The following PRKCQ variants were observed in gnomAD, a reference collection of about 807,000 sequenced individuals.
The protein encoded by PRKCQ is protein kinase C theta.
In PRKCQ, 41 loss-of-function variants were observed where a neutral mutation model predicts 91.2. The observed-to-expected ratio is 0.45, with a 90% confidence interval of 0.35 to 0.58. PRKCQ has a LOEUF of 0.58. Ranked by LOEUF, PRKCQ falls within the 20% of genes least tolerant of loss-of-function variation. The probability of loss-of-function intolerance (pLI) is 0.00; values close to 1 mark genes in which losing one functional copy is unlikely to be tolerated. For synonymous variants in PRKCQ, 307 were observed against 316.9 expected (o/e 0.97, Z 0.33); for missense variants, 673 against 896.5 (o/e 0.75, Z 3.18).
intron 14 of PRKCQ, among the ~76,000 whole-genome samples, chr10:6,461,121 ATCCATCCACATCCATCCATT>A (rs1835320322): frequency 1.3e-5 from 2 of 150,328 alleles, no homozygotes; most frequent in South Asian, 4.2e-4. Flanking sequence ...CCATCCATCC[ATCCATCCACATCCATCCATT>A]CATCCATCCA....
intron 16 of PRKCQ, among the ~76,000 whole-genome samples, chr10:6,431,377 AAC>A (rs550001672): frequency 3.7e-4 from 57 of 152,276 alleles, no homozygotes; most frequent in Admixed American, 1.4e-3. Flanking sequence ...CATGGACATA[AAC>A]ACACACTGGC....
At chr10:6,419,878 G>A in the PRKCQ span, among the ~76,000 whole-genome samples, 1 of 151,976 alleles carries the variant, frequency 6.6e-6, no homozygotes, top group African/African-American at 2.4e-5. Context: ...TAGTAGAGAC[G>A]GGGTTTCGCC....
At chr10:6,436,726 T>C (rs1833716558) in intron 16 of PRKCQ, among the ~76,000 whole-genome samples, 1 of 152,232 alleles carries the variant, frequency 6.6e-6, no homozygotes, top group African/African-American at 2.4e-5. Context: ...GGTTGTTTTA[T>C]AGATCAATAG....
At chr10:6,491,415 G>A (rs774276515) in intron 8 of PRKCQ, among the ~76,000 whole-genome samples, 2 of 152,226 alleles carry the variant, frequency 1.3e-5, no homozygotes, top group Non-Finnish European at 2.9e-5. Context: ...CAGGGCTATG[G>A]TACGGCAGAA....
downstream of PRKCQ, among the ~76,000 whole-genome samples, chr10:6,424,050 G>GTAGTT (rs1833063890): frequency 6.6e-6 from 1 of 152,030 alleles, no homozygotes; most frequent in Non-Finnish European, 1.5e-5. Flanking sequence ...GTGTAGCTGT[G>GTAGTT]GCACCAAGAG....
chr10:6,411,433 C>G, the PRKCQ span, among the ~76,000 whole-genome samples: 1 of 152,120 alleles, frequency 6.6e-6, no homozygotes. Context: ...TCCAAAAGGT[C>G]CGGTGATATT....
At chr10:6,420,710 G>A in the PRKCQ span, among the ~76,000 whole-genome samples, 15 of 152,136 alleles carry the variant, frequency 9.9e-5, no homozygotes, top group Non-Finnish European at 1.3e-4. Flanking sequence ...TGAAGACATC[G>A]TTCCAGTGTC....
intron 1 of PRKCQ, among the ~76,000 whole-genome samples, chr10:6,515,679 G>A (rs1311022403): frequency 6.6e-6 from 1 of 152,138 alleles, no homozygotes; most frequent in Non-Finnish European, 1.5e-5. Flanking sequence ...AAAAAGGTCT[G>A]CTTTCTTCAC....
chr10:6,491,243 TGATGA>T (rs1226325462), intron 8 of PRKCQ, among the ~76,000 whole-genome samples: 1 of 152,168 alleles, frequency 6.6e-6, no homozygotes, highest in Non-Finnish European at 1.5e-5. Flanking sequence ...GCTTGCTCCT[TGATGA>T]GATGACAGAA....
At chr10:6,550,632 G>A (rs988920245) in intron 1 of PRKCQ, among the ~76,000 whole-genome samples, 7 of 152,198 alleles carry the variant, frequency 4.6e-5, no homozygotes, top group African/African-American at 1.4e-4. Flanking sequence ...GGATATGTGG[G>A]TCGTCTCCAC....
intron 1 of PRKCQ, among the ~76,000 whole-genome samples, chr10:6,516,581 T>G (rs1357643334): frequency 6.6e-6 from 1 of 152,204 alleles, no homozygotes; most frequent in Non-Finnish European, 1.5e-5. Context: ...AATTGGGTCT[T>G]TTAGACAAAA....
At chr10:6,557,596 A>C (rs1840470739) in intron 1 of PRKCQ, among the ~76,000 whole-genome samples, 1 of 151,856 alleles carries the variant, frequency 6.6e-6, no homozygotes. Context: ...GGTCAATCTC[A>C]TCTATTTTGA....
rs772252959 is a variant in PRKCQ at position 6,486,147 on chromosome 10, G to A, written c.791-3C>T. 23 of 1,613,006 alleles carry A rather than the reference G, an allele frequency of 1.4e-5. No homozygotes were observed. Among genetic ancestry groups the A allele is most frequent in the Non-Finnish European group, 1.9e-5 (22 of 1,179,160 alleles). On this transcript the variant is annotated splice_polypyrimidine_tract_variant and splice_region_variant and intron_variant, in intron 8 of 17. Transcript: ENST00000263125. Reference sequence around the variant, plus strand: ...ATGATGCACATTCATGCCACATGCTGGAAGGAAGAAGGCAGATAGTGAGCA... The same window carrying A: ...ATGATGCACATTCATGCCACATGCTAGAAGGAAGAAGGCAGATAGTGAGCA...
intron 12 of PRKCQ, among the ~76,000 whole-genome samples, chr10:6,466,644 A>G (rs1400652759): frequency 6.6e-6 from 1 of 152,256 alleles, no homozygotes; most frequent in East Asian, 1.9e-4. Context: ...TGAGGGATGG[A>G]TAAGCCTTTT....
At chr10:6,486,665 G>A (rs941042328) in intron 8 of PRKCQ, among the ~76,000 whole-genome samples, 3 of 152,202 alleles carry the variant, frequency 2.0e-5, no homozygotes, top group African/African-American at 7.2e-5. Context: ...ACCAACAGCC[G>A]ACCCTTGAAT....
At chr10:6,446,608 C>T (rs944548868) in intron 15 of PRKCQ, among the ~76,000 whole-genome samples, 25 of 152,136 alleles carry the variant, frequency 1.6e-4, no homozygotes, top group African/African-American at 4.6e-4. Context: ...TCAGGTGATC[C>T]GCCTACCTCC....
chr10:6,473,312 T>A (rs1367661643), intron 12 of PRKCQ, among the ~76,000 whole-genome samples: 1 of 152,256 alleles, frequency 6.6e-6, no homozygotes, highest in Non-Finnish European at 1.5e-5. Context: ...AGGTGGGCCA[T>A]CCTCAAACTT....
At chr10:6,414,367 G>A in the PRKCQ span, among the ~76,000 whole-genome samples, 9 of 152,226 alleles carry the variant, frequency 5.9e-5, no homozygotes, top group Admixed American at 5.2e-4. Context: ...CTGTTTTTAA[G>A]AATACAGAAA....
At chr10:6,454,573 TTC>T (rs1182638190) in intron 15 of PRKCQ, among the ~76,000 whole-genome samples, 1 of 152,120 alleles carries the variant, frequency 6.6e-6, no homozygotes. Flanking sequence ...ATTCCTAGTT[TTC>T]TCTCTAGAAG....
Sources: allele counts gnomAD v4.1 joint callset (sites outside exome capture counted in the v4.1 genomes callset), GRCh38; gene constraint gnomAD v4.1.1; transcripts MANE v1.5; gene names NCBI Gene and HGNC (gene_info 2026-07-23, HGNC 2026-07-21).